VEPH1: variants seen among roughly 807,000 people sequenced by gnomAD.
VEPH1 encodes the protein ventricular zone-expressed PH domain-containing protein homolog 1.
In VEPH1, 80 loss-of-function variants were observed where a neutral mutation model predicts 85.2. The ratio of observed to expected loss-of-function variants is 0.94; its 90% CI spans 0.78 to 1.13. The LOEUF (loss-of-function observed/expected upper bound fraction) is 1.13, where lower values mean the gene tolerates loss of function less well. Ranked by LOEUF, VEPH1 falls within the 50% of genes most tolerant of loss-of-function variation. The pLI is 0.00. For missense variants in VEPH1, 955 were observed against 980.5 expected (o/e 0.97, Z 0.35); for synonymous variants, 297 against 348.0 (o/e 0.85, Z 1.63).
At chr3:157,288,622 T>TA (rs1165906439) in intron 11 of VEPH1, among the ~76,000 whole-genome samples, 2 of 152,174 alleles carry the variant, frequency 1.3e-5, no homozygotes, top group Admixed American at 6.5e-5. Flanking sequence ...TACAAAAAGT[T>TA]AAAGGGAATT....
intron 2 of VEPH1, chr3:157,489,167 C>A (rs1207488394): frequency 6.6e-6 from 3 of 456,438 alleles, no homozygotes; most frequent in South Asian, 4.6e-5. Context: ...CAGACTGTTC[C>A]CAAAACAGGA....
At chr3:157,397,801 C>A (rs1730528161) in intron 6 of VEPH1, among the ~76,000 whole-genome samples, 1 of 152,202 alleles carries the variant, frequency 6.6e-6, no homozygotes, top group South Asian at 2.1e-4. Context: ...TTGGCTACAG[C>A]CCATGTATAT....
At chr3:157,269,160 CTACTT>C (rs1342277632) in intron 12 of VEPH1, among the ~76,000 whole-genome samples, 7 of 152,256 alleles carry the variant, frequency 4.6e-5, no homozygotes, top group African/African-American at 1.4e-4. Context: ...AGAGGATTAA[CTACTT>C]TATTTTTTCT....
intron 7 of VEPH1, among the ~76,000 whole-genome samples, chr3:157,380,391 T>C (rs1728628687): frequency 6.6e-6 from 1 of 152,336 alleles, no homozygotes; most frequent in South Asian, 2.1e-4. Context: ...CTGAACTCCT[T>C]AGTCCACTCT....
chr3:157,468,906 T>C (rs1327455890), intron 3 of VEPH1, among the ~76,000 whole-genome samples: 1 of 152,134 alleles, frequency 6.6e-6, no homozygotes, highest in South Asian at 2.1e-4. Flanking sequence ...GACGAGAACA[T>C]TTAAAATTAC....
intron 11 of VEPH1, among the ~76,000 whole-genome samples, chr3:157,309,777 T>G (rs1332812260): frequency 6.6e-6 from 1 of 152,012 alleles, no homozygotes; most frequent in Non-Finnish European, 1.5e-5. Context: ...ATTTATTATT[T>G]TATTTTATTT....
At chr3:157,474,329 G>A (rs893034996) in intron 2 of VEPH1, among the ~76,000 whole-genome samples, 2 of 151,618 alleles carry the variant, frequency 1.3e-5, no homozygotes, top group Non-Finnish European at 2.9e-5. Flanking sequence ...AAAACAAAGT[G>A]CCTTTATTTT....
chr3:157,288,177 G>A (rs75994089), intron 11 of VEPH1, among the ~76,000 whole-genome samples: 1 of 152,148 alleles, frequency 6.6e-6, no homozygotes, highest in Non-Finnish European at 1.5e-5. Flanking sequence ...TTCTTAAAAG[G>A]CTCCTCCTCC....
In VEPH1 at chr3:157,260,237, T is replaced by C. The variant is rs1577166676; in HGVS notation, c.*897A>G. ...TGGGGGAGAGGATTATACCAAGGCA[T>C]GGATTATTGAGAATCACTCTAGAAT... On this transcript the variant is annotated 3_prime_UTR_variant, in exon 14 of 14. Transcript: ENST00000362010. 6.6e-6 allele frequency: 1 copy of C among 152,196 alleles called. No individual in the cohort carries two copies. Among genetic ancestry groups the C allele is most frequent in the East Asian group, 1.9e-4 (1 of 5,202 alleles). The allele number at this position is 152,196 out of a possible 1,614,324, so 9.4% of individuals were successfully genotyped here. A position where few individuals can be genotyped will look rare whatever the true frequency, so the allele number is the denominator to read the frequency against.
At chr3:157,361,702 TC>T (rs1460136109) in intron 9 of VEPH1, among the ~76,000 whole-genome samples, 3 of 152,230 alleles carry the variant, frequency 2.0e-5, no homozygotes, top group Non-Finnish European at 4.4e-5. Flanking sequence ...CCAGACTTGT[TC>T]AACCCACTAC....
chr3:157,327,165 C>T (rs959350666), intron 9 of VEPH1, among the ~76,000 whole-genome samples: 3 of 152,136 alleles, frequency 2.0e-5, no homozygotes, highest in African/African-American at 7.2e-5. Flanking sequence ...CATTATCCTT[C>T]AGGCAAGAAG....
intron 9 of VEPH1, among the ~76,000 whole-genome samples, chr3:157,329,525 C>G (rs1722276458): frequency 6.6e-6 from 1 of 152,126 alleles, no homozygotes; most frequent in Non-Finnish European, 1.5e-5. Flanking sequence ...TTGCTTCTTT[C>G]AAGTTGTCTT....
Position 157,272,348 on chromosome 3 carries a change from TTC to T in VEPH1, c.2129-6688_2129-6687del, listed in dbSNP as rs1244884460. ...TCTCTCTCTTTCTTTCTTTCTCTTT[TTC>T]TCTCTCTTTCTTTCTTTCTCTTTCT... On this transcript the variant is annotated intron_variant, in intron 12 of 13. Coordinates refer to ENST00000362010, the MANE Select transcript of VEPH1 (RefSeq NM_001167912.2). 4.7e-3 allele frequency among the ~76,000 whole-genome samples: 705 copies of T among 149,998 alleles called. 8 individuals carry two copies. The highest frequency in any genetic ancestry group is 0.016 in the African/African-American group (661 of 40,748).
At chr3:157,279,306 G>A (rs183127026) in intron 12 of VEPH1, among the ~76,000 whole-genome samples, 145 of 152,296 alleles carry the variant, frequency 9.5e-4, no homozygotes, top group Non-Finnish European at 1.9e-3. Flanking sequence ...GGAGGAATTG[G>A]TTTACGGAAT....
intron 6 of VEPH1, among the ~76,000 whole-genome samples, chr3:157,394,056 A>AGT (rs1730137183): frequency 6.6e-6 from 1 of 152,228 alleles, no homozygotes. Context: ...GATCTGTCTG[A>AGT]GTGATGGGTT....
intron 2 of VEPH1, chr3:157,489,389 A>G (rs1307119874): frequency 9.1e-6 from 3 of 329,142 alleles, no homozygotes; most frequent in Non-Finnish European, 1.8e-5. Context: ...TCTCCAGTAC[A>G]GCCACACTGA....
At chr3:157,480,706 C>A (rs545310596) in intron 2 of VEPH1, among the ~76,000 whole-genome samples, 10 of 152,190 alleles carry the variant, frequency 6.6e-5, no homozygotes, top group African/African-American at 2.2e-4. Context: ...TGTTAATGAC[C>A]ACCTAGGTTG....
intron 6 of VEPH1, among the ~76,000 whole-genome samples, chr3:157,401,295 GA>G (rs57521737): frequency 6.6e-6 from 1 of 151,948 alleles, no homozygotes; most frequent in Non-Finnish European, 1.5e-5. Context: ...TTTTTGCCAG[GA>G]AAAAAGTATA....
At chr3:157,324,223 T>C (rs1721647918) in intron 9 of VEPH1, among the ~76,000 whole-genome samples, 1 of 151,970 alleles carries the variant, frequency 6.6e-6, no homozygotes, top group Non-Finnish European at 1.5e-5. Flanking sequence ...GCCTGGCTAA[T>C]TTTTTTGTAG....
Sources: allele counts gnomAD v4.1 joint callset (sites outside exome capture counted in the v4.1 genomes callset), GRCh38; gene constraint gnomAD v4.1.1; transcripts MANE v1.5; gene names NCBI Gene and HGNC (gene_info 2026-07-23, HGNC 2026-07-21).